The following FGGY variants were observed in gnomAD, a reference collection of about 807,000 sequenced individuals.
FGGY encodes the protein FGGY carbohydrate kinase domain-containing protein.
In FGGY, 72 loss-of-function variants were observed where a neutral mutation model predicts 71.3. The ratio of observed to expected loss-of-function variants is 1.01; its 90% CI spans 0.84 to 1.23. FGGY has a LOEUF of 1.23. FGGY is among the 50% of genes most tolerant of loss of function. FGGY has a pLI of 0.00. For missense variants in FGGY, 668 were observed against 682.3 expected, an observed-to-expected ratio of 0.98 and a Z score of 0.23; for synonymous variants, 251 against 250.3, an observed-to-expected ratio of 1.00 and a Z score of -0.02.
chr1:59,397,774 G>A (rs1571599795), intron 5 of FGGY, among the ~76,000 whole-genome samples: 1 of 152,220 alleles, frequency 6.6e-6, no homozygotes, highest in East Asian at 1.9e-4. Context: ...ACACGGGACA[G>A]CATTTTTACT....
At chr1:59,356,673 C>T (rs1208776919) in intron 4 of FGGY, among the ~76,000 whole-genome samples, 3 of 152,188 alleles carry the variant, frequency 2.0e-5, no homozygotes, top group African/African-American at 7.2e-5. Flanking sequence ...TGGCTAGGTG[C>T]ATTTGTCCAA....
chr1:59,409,135 T>C (rs1018277209), intron 5 of FGGY, among the ~76,000 whole-genome samples: 1 of 152,218 alleles, frequency 6.6e-6, no homozygotes, highest in Non-Finnish European at 1.5e-5. Context: ...TTAGGAAGTA[T>C]CTGAAAGCTA....
chr1:59,339,979 T>A lies in FGGY; in HGVS notation c.223T>A (p.Leu75Ile). ...ACAGAAAGTTGTACAAGGGATTGATTTAAACCAAATTCGAGGACTTGGGTT... is the reference window on the plus strand; with the variant it reads ...ACAGAAAGTTGTACAAGGGATTGATATAAACCAAATTCGAGGACTTGGGTT... ...VTKKVVQGIDLNQIRGLGFDA... is the reference protein window; with the variant it reads ...VTKKVVQGIDINQIRGLGFDA... Residue 75 changes from leucine to isoleucine, a missense_variant, in exon 3 of 16, where the codon TTA becomes ATA. Leu to Ile is a conservative substitution (Grantham distance 5). Around this residue, in one of 2 missense-constraint regions of FGGY, gnomAD observed 661 missense variants for 661.6 expected, o/e 1.00. Transcript: ENST00000303721. 6.2e-7 allele frequency: 1 copy of A among 1,613,012 alleles called. No individual in the cohort carries two copies. The highest frequency in any genetic ancestry group is 8.5e-7 in the Non-Finnish European group (1 of 1,179,318).
intron 15 of FGGY, among the ~76,000 whole-genome samples, chr1:59,760,489 T>C (rs2098332322): frequency 6.6e-6 from 1 of 152,250 alleles, no homozygotes; most frequent in African/African-American, 2.4e-5. Flanking sequence ...GAGATATTTC[T>C]ACATTCATGT....
intron 2 of FGGY, among the ~76,000 whole-genome samples, chr1:59,324,337 C>T (rs35210876): frequency 3.6e-3 from 427 of 118,624 alleles, no homozygotes; most frequent in Middle Eastern, 6.8e-3. Flanking sequence ...AGTGCAGTGG[C>T]GGGATCTCGG....
At chr1:59,356,714 A>G (rs112194531) in intron 4 of FGGY, among the ~76,000 whole-genome samples, 3 of 152,306 alleles carry the variant, frequency 2.0e-5, no homozygotes, top group African/African-American at 7.2e-5. Context: ...GGTTCACTGT[A>G]TGCCCAACAT....
At chr1:59,312,899 T>C (rs1006140439) in intron 1 of FGGY, among the ~76,000 whole-genome samples, 3 of 152,218 alleles carry the variant, frequency 2.0e-5, no homozygotes, top group African/African-American at 7.2e-5. Context: ...TTTTCTGCCT[T>C]TTGGAATCCA....
intron 6 of FGGY, among the ~76,000 whole-genome samples, chr1:59,487,431 GCAGGGGCCATGTC>G (rs552958584): frequency 1.0e-3 from 156 of 152,216 alleles, no homozygotes; most frequent in African/African-American, 3.5e-3. Flanking sequence ...TTCCATGAGG[GCAGGGGCCATGTC>G]CATCTCATTA....
At chr1:59,678,905 A>G (rs780284382) in intron 14 of FGGY, among the ~76,000 whole-genome samples, 9 of 152,224 alleles carry the variant, frequency 5.9e-5, no homozygotes, top group Non-Finnish European at 1.3e-4. Context: ...CAGCCAATTA[A>G]TCACAGACCT....
chr1:59,628,269 T>C (rs1225914727), intron 10 of FGGY, among the ~76,000 whole-genome samples: 3 of 152,198 alleles, frequency 2.0e-5, no homozygotes, highest in Non-Finnish European at 2.9e-5. Flanking sequence ...CCGATAAAGA[T>C]ACAACATCAT....
chr1:59,376,549 T>G (rs2153317532), intron 4 of FGGY, among the ~76,000 whole-genome samples: 1 of 152,346 alleles, frequency 6.6e-6, no homozygotes, highest in South Asian at 2.1e-4. Flanking sequence ...CCAGGACTTT[T>G]GTGTTGCTCT....
intron 13 of FGGY, among the ~76,000 whole-genome samples, chr1:59,671,510 G>A (rs1425557712): frequency 6.6e-6 from 1 of 152,204 alleles, no homozygotes; most frequent in Non-Finnish European, 1.5e-5. Flanking sequence ...CCACTGGCCA[G>A]TCTCCCAGGC....
intron 2 of FGGY, 38 bp downstream of exon 2, chr1:59,321,788 C>G: frequency 6.4e-7 from 1 of 1,574,132 alleles, no homozygotes. Context: ...TGTTCATATT[C>G]CTACCTGCTG....
chr1:59,394,561 A>C (rs924662677), intron 5 of FGGY, among the ~76,000 whole-genome samples: 4 of 152,160 alleles, frequency 2.6e-5, no homozygotes, highest in Non-Finnish European at 5.9e-5. Context: ...CTCATAGTAC[A>C]ACCTGCTAAG....
chr1:59,402,445 A>G (rs2062094929), intron 5 of FGGY, among the ~76,000 whole-genome samples: 1 of 152,200 alleles, frequency 6.6e-6, no homozygotes, highest in Non-Finnish European at 1.5e-5. Context: ...TCTGCTAATT[A>G]TCAGCAGTGT....
intron 6 of FGGY, among the ~76,000 whole-genome samples, chr1:59,499,415 C>A (rs1455517302): frequency 6.6e-6 from 1 of 150,614 alleles, no homozygotes; most frequent in Admixed American, 6.7e-5. Context: ...CAGGTGGGAC[C>A]AAGCTAGATA....
chr1:59,531,987 T>C (rs1180325977), intron 7 of FGGY, among the ~76,000 whole-genome samples: 1 of 152,206 alleles, frequency 6.6e-6, no homozygotes, highest in Non-Finnish European at 1.5e-5. Context: ...AATGTCTGCA[T>C]TGAGTAGAAA....
In FGGY at chr1:59,667,508, A is replaced by G. The variant is rs143056129; in HGVS notation, c.1417+105A>G. On this transcript the variant is annotated intron_variant, in intron 13 of 15. Coordinates refer to ENST00000303721, the MANE Select transcript of FGGY (RefSeq NM_018291.5). The stretch of plus-strand genomic sequence containing the variant: ...AATAGGAGGATATATGCGGTATGCC[A>G]GATTATTAGAATAATCCTGAAGTCT... 1.2e-4 allele frequency: 160 copies of G among 1,339,124 alleles called. No individual in the cohort carries two copies. In the African/African-American group the frequency reaches 1.9e-3, roughly 16 times the overall value. The allele number at this position is 1,339,124 out of a possible 1,614,324, so 83.0% of individuals were successfully genotyped here.
intron 14 of FGGY, among the ~76,000 whole-genome samples, chr1:59,676,899 T>C (rs932891769): frequency 2.0e-5 from 3 of 152,208 alleles, no homozygotes; most frequent in African/African-American, 7.2e-5. Flanking sequence ...CTTGCTTTAC[T>C]GTCCTCAGAC....
Sources: gnomAD v4.1 joint callset for allele counts (sites outside exome capture counted in the v4.1 genomes callset) on GRCh38, gnomAD v4.1.1 for gene constraint, gnomAD v4.1.1 regional missense constraint, MANE v1.5 for transcripts, NCBI Gene and HGNC (gene_info 2026-07-23, HGNC 2026-07-21) for gene names.